NDUFA9: variants seen among roughly 807,000 people sequenced by gnomAD.
The protein encoded by NDUFA9 is NADH dehydrogenase [ubiquinone] 1 alpha subcomplex subunit 9, mitochondrial.
In NDUFA9, 23 loss-of-function variants were observed where a neutral mutation model predicts 45.9. The ratio of observed to expected loss-of-function variants is 0.50; its 90% CI spans 0.36 to 0.71. The LOEUF (loss-of-function observed/expected upper bound fraction) is 0.71. NDUFA9 is among the 30% of genes least tolerant of loss of function. The pLI is 0.00. For synonymous variants in NDUFA9, 176 were observed against 170.5 expected (o/e 1.03, Z -0.25); for missense variants, 466 against 488.2 (o/e 0.95, Z 0.43).
chr12:4,675,584 C>T (rs138679264), intron 8 of NDUFA9, among the ~76,000 whole-genome samples: 60 of 152,286 alleles, frequency 3.9e-4, no homozygotes, highest in African/African-American at 1.4e-3. Flanking sequence ...TTCCTGGACA[C>T]ATACCCCCTC....
intron 6 of NDUFA9, 128 bp downstream of exon 6, chr12:4,662,763 C>T (rs1036622874): frequency 6.3e-6 from 4 of 638,342 alleles, no homozygotes; most frequent in Admixed American, 6.0e-5. Flanking sequence ...GCCTTTTCCT[C>T]CCCTAAGTTT....
chr12:4,666,350 GTTAA>G (rs1565568060), intron 6 of NDUFA9, among the ~76,000 whole-genome samples: 1 of 152,122 alleles, frequency 6.6e-6, no homozygotes, highest in Non-Finnish European at 1.5e-5. Flanking sequence ...TCTTCACTCT[GTTAA>G]TTGTGTTCTT....
chr12:4,678,340 C>G (rs1054701288), intron 8 of NDUFA9, among the ~76,000 whole-genome samples: 2 of 151,598 alleles, frequency 1.3e-5, no homozygotes, highest in Non-Finnish European at 2.9e-5. Flanking sequence ...AGTTATAAAA[C>G]TATAATAATT....
chr12:4,668,215 G>A (rs779951545), intron 6 of NDUFA9, among the ~76,000 whole-genome samples: 9 of 152,188 alleles, frequency 5.9e-5, no homozygotes, highest in Non-Finnish European at 1.3e-4. Context: ...CAGACTAGTT[G>A]TCTAGACATT....
chr12:4,686,149 T>C (rs537953364), intron 10 of NDUFA9, among the ~76,000 whole-genome samples: 2 of 152,360 alleles, frequency 1.3e-5, no homozygotes, highest in African/African-American at 4.8e-5. Context: ...AAAGTGTTGA[T>C]ACAGTGGCCT....
At chr12:4,682,112 GT>G in intron 8 of NDUFA9, 92 bp from the exon 9 acceptor site, 1 of 926,602 alleles carries the variant, frequency 1.1e-6, no homozygotes, top group Non-Finnish European at 1.7e-6. Context: ...GTGCATATAT[GT>G]TTCCTTTTTT....
At position 4,687,079 on chromosome 12, in the gene NDUFA9, G is replaced by A. The variant is rs780537298; in HGVS notation, c.1105G>A (p.Val369Met). ...YRWLSAEIEDVKPAKTVNI is the reference protein window; with the variant it reads ...YRWLSAEIEDMKPAKTVNI ...CTGGCTGTCTGCTGAAATTGAGGAT[G>A]TGAAGCCGGCCAAGACCGTCAACAT... Residue 369 changes from valine to methionine, a missense_variant, in exon 11 of 11, where the codon GTG becomes ATG. Transcript: ENST00000266544. The A allele has an allele frequency of 1.9e-6, 3 of 1,614,074 alleles. No homozygotes were observed. The highest frequency in any genetic ancestry group is 1.7e-5 in the Admixed American group (1 of 60,012).
intron 8 of NDUFA9, among the ~76,000 whole-genome samples, chr12:4,672,546 G>C (rs1428174765): frequency 6.6e-6 from 1 of 152,162 alleles, no homozygotes; most frequent in Non-Finnish European, 1.5e-5. Context: ...AGCTTGGGAG[G>C]GAGGGGCGTC....
intron 6 of NDUFA9, among the ~76,000 whole-genome samples, chr12:4,663,603 G>A (rs1945836428): frequency 6.6e-6 from 1 of 152,204 alleles, no homozygotes; most frequent in African/African-American, 2.4e-5. Context: ...CAGGAAGAGA[G>A]CCCTTATCAG....
At chr12:4,682,910 T>C (rs1945962317) in intron 9 of NDUFA9, among the ~76,000 whole-genome samples, 1 of 152,088 alleles carries the variant, frequency 6.6e-6, no homozygotes, top group Non-Finnish European at 1.5e-5. Context: ...CTACAAAACA[T>C]ACCAAATTAG....
chr12:4,665,765 AT>A (rs1945849882), intron 6 of NDUFA9, among the ~76,000 whole-genome samples: 1 of 142,064 alleles, frequency 7.0e-6, no homozygotes, highest in African/African-American at 2.6e-5. Context: ...TTTTTTTATA[AT>A]AGCCATCCTA....
At chr12:4,682,812 A>G (rs1482518211) in intron 9 of NDUFA9, among the ~76,000 whole-genome samples, 1 of 152,170 alleles carries the variant, frequency 6.6e-6, no homozygotes, top group East Asian at 1.9e-4. Context: ...CATGCCTATA[A>G]TCCCAGTACT....
intron 8 of NDUFA9, among the ~76,000 whole-genome samples, chr12:4,677,245 A>G (rs982868374): frequency 3.9e-5 from 6 of 152,228 alleles, no homozygotes; most frequent in Non-Finnish European, 8.8e-5. Flanking sequence ...GCATGGGCAA[A>G]GACTTCGTAA....
rs576785500 is a variant in NDUFA9 at position 4,659,474 on chromosome 12, A to T, written c.552+297A>T. Among the ~76,000 whole-genome samples the T allele has an allele frequency of 5.3e-5, 8 of 152,288 alleles. No individual in the cohort carries two copies. In the South Asian group the frequency reaches 1.4e-3, roughly 28 times the overall value. On this transcript the variant is annotated intron_variant, in intron 5 of 10. Transcript: ENST00000266544. The stretch of plus-strand genomic sequence containing the variant: ...TTGAATTATACAGAAACCATCACAG[A>T]TTTCTGCCAAAGGAATCATACCTGT...
At chr12:4,664,357 G>A (rs1168195790) in intron 6 of NDUFA9, among the ~76,000 whole-genome samples, 1 of 152,224 alleles carries the variant, frequency 6.6e-6, no homozygotes, top group East Asian at 1.9e-4. Flanking sequence ...AGAAGGGGCA[G>A]AATGAAAGAA....
At chr12:4,650,922 G>A (rs1945755862) in intron 1 of NDUFA9, among the ~76,000 whole-genome samples, 1 of 152,168 alleles carries the variant, frequency 6.6e-6, no homozygotes, top group Admixed American at 6.5e-5. Flanking sequence ...GGAGACCTTT[G>A]AAAGCCAAGC....
chr12:4,662,508 A>G, intron 5 of NDUFA9, 25 bp from the exon 6 acceptor site: 1 of 1,574,324 alleles, frequency 6.4e-7, no homozygotes, highest in East Asian at 2.2e-5. Flanking sequence ...TAAACTCAAA[A>G]CAGGTTTGTT....
chr12:4,672,144 G>A (rs944340372), intron 8 of NDUFA9, among the ~76,000 whole-genome samples: 10 of 152,140 alleles, frequency 6.6e-5, no homozygotes, highest in African/African-American at 2.2e-4. Flanking sequence ...AAGGGGTCGG[G>A]GAACTCCCTC....
intron 1 of NDUFA9, among the ~76,000 whole-genome samples, chr12:4,651,973 G>A (rs542844744): frequency 6.6e-6 from 1 of 152,170 alleles, no homozygotes; most frequent in South Asian, 2.1e-4. Flanking sequence ...ATTTTTCTAG[G>A]AAATTTGGTT....
Sources: allele counts gnomAD v4.1 joint callset (sites outside exome capture counted in the v4.1 genomes callset), GRCh38; gene constraint gnomAD v4.1.1; transcripts MANE v1.5; gene names NCBI Gene and HGNC (gene_info 2026-07-23, HGNC 2026-07-21).